LRRTM4: variants seen among roughly 807,000 people sequenced by gnomAD.
The protein encoded by LRRTM4 is leucine rich repeat transmembrane neuronal 4, also known as leucine-rich repeat transmembrane neuronal protein 4.
Under a neutral mutation model 47.6 loss-of-function variants are expected in LRRTM4, and 25 were observed. The observed-to-expected ratio is 0.53, with a 90% CI of 0.38 to 0.73. The LOEUF (loss-of-function observed/expected upper bound fraction) is 0.73, where lower values mean the gene tolerates loss of function less well. LRRTM4 is among the 30% of genes least tolerant of loss of function. LRRTM4 has a pLI of 0.00. For missense variants in LRRTM4, 638 were observed against 713.4 expected (o/e 0.89, Z 1.20); for synonymous variants, 311 against 269.5 (o/e 1.15, Z -1.51).
intron 3 of LRRTM4, among the ~76,000 whole-genome samples, chr2:77,318,249 A>G (rs1677676660): frequency 6.6e-6 from 1 of 152,098 alleles, no homozygotes; most frequent in Non-Finnish European, 1.5e-5. Context: ...CTCGTGATCC[A>G]CCAGCCTTGG....
chr2:77,107,462 T>C (rs528463157), intron 3 of LRRTM4, among the ~76,000 whole-genome samples: 2 of 152,212 alleles, frequency 1.3e-5, no homozygotes, highest in African/African-American at 4.8e-5. Flanking sequence ...AACCACAATA[T>C]GTTTCAAAAT....
intron 3 of LRRTM4, among the ~76,000 whole-genome samples, chr2:77,494,113 A>C (rs1009229822): frequency 6.6e-6 from 1 of 152,164 alleles, no homozygotes. Context: ...AAACATCACA[A>C]ACTGGGAGAA....
At chr2:77,011,558 T>C (rs1282521706) in intron 3 of LRRTM4, among the ~76,000 whole-genome samples, 8 of 151,436 alleles carry the variant, frequency 5.3e-5, no homozygotes, top group Non-Finnish European at 7.4e-5. Context: ...TGTGTGTGTG[T>C]GTGTGTGTGT....
At chr2:77,103,875 C>T (rs1223523785) in intron 3 of LRRTM4, among the ~76,000 whole-genome samples, 1 of 151,774 alleles carries the variant, frequency 6.6e-6, no homozygotes, top group Non-Finnish European at 1.5e-5. Context: ...AGAAGAAAGC[C>T]TATTCTCCTA....
intron 3 of LRRTM4, among the ~76,000 whole-genome samples, chr2:76,898,059 C>G (rs1179098981): frequency 6.6e-6 from 1 of 152,102 alleles, no homozygotes; most frequent in African/African-American, 2.4e-5. Flanking sequence ...TAGAGTTTCT[C>G]TTTAGAATTG....
At chr2:76,768,322 TAATATC>T (rs1329368404) in intron 3 of LRRTM4, among the ~76,000 whole-genome samples, 1 of 150,682 alleles carries the variant, frequency 6.6e-6, no homozygotes, top group African/African-American at 2.5e-5. Flanking sequence ...ACACAACACT[TAATATC>T]AAAAGCTTAG....
chr2:77,407,699 A>AT (rs1384130625), intron 3 of LRRTM4, among the ~76,000 whole-genome samples: 2 of 124,774 alleles, frequency 1.6e-5, no homozygotes, highest in East Asian at 2.2e-4. Context: ...AATATATGAT[A>AT]TATATAATAT....
intron 3 of LRRTM4, among the ~76,000 whole-genome samples, chr2:76,830,294 TCTA>T (rs1196090629): frequency 6.6e-6 from 1 of 152,098 alleles, no homozygotes; most frequent in African/African-American, 2.4e-5. Context: ...TTGTTTGTAC[TCTA>T]CTTTTATCCT....
At chr2:77,283,678 G>C (rs891373194) in intron 3 of LRRTM4, among the ~76,000 whole-genome samples, 1 of 152,018 alleles carries the variant, frequency 6.6e-6, no homozygotes, top group Non-Finnish European at 1.5e-5. Context: ...CAACAACATG[G>C]ATGCAGCTGG....
intron 3 of LRRTM4, among the ~76,000 whole-genome samples, chr2:76,981,170 C>G (rs867078738): frequency 1.3e-4 from 20 of 152,184 alleles, no homozygotes; most frequent in Middle Eastern, 6.8e-3. Flanking sequence ...ATTCGTTATT[C>G]AATATTCATT....
In LRRTM4 at chr2:77,087,120, CT is replaced by C. The variant is rs556813728; in HGVS notation, c.1552-338205del. Among the ~76,000 whole-genome samples the C allele has an allele frequency of 6.6e-5, 10 of 152,262 alleles. No individual in the cohort carries two copies. In the South Asian group the frequency reaches 2.1e-3, roughly 32 times the overall value. The stretch of plus-strand genomic sequence containing the variant: ...GCTGCTGATCTTATGAAGCAAGAAG[CT>C]TGTTTGTTATGCATCTTGAGTTTTA... On this transcript the variant is annotated intron_variant, in intron 3 of 3. Coordinates refer to ENST00000409884, the MANE Select transcript of LRRTM4 (RefSeq NM_001134745.3).
At chr2:77,118,521 A>G (rs186424719) in intron 3 of LRRTM4, among the ~76,000 whole-genome samples, 1 of 152,072 alleles carries the variant, frequency 6.6e-6, no homozygotes, top group East Asian at 1.9e-4. Flanking sequence ...TGGATGGAGC[A>G]TGCAACAGTG....
At chr2:77,371,685 C>T (rs570243747) in intron 3 of LRRTM4, among the ~76,000 whole-genome samples, 11 of 151,720 alleles carry the variant, frequency 7.3e-5, no homozygotes, top group Non-Finnish European at 1.0e-4. Context: ...CCTGACTACA[C>T]TAATTAACCT....
At chr2:77,350,685 TAGA>T (rs2104295358) in intron 3 of LRRTM4, among the ~76,000 whole-genome samples, 1 of 152,184 alleles carries the variant, frequency 6.6e-6, no homozygotes, top group South Asian at 2.1e-4. Flanking sequence ...ATCTACAAAA[TAGA>T]AGAACTCTTG....
intron 3 of LRRTM4, among the ~76,000 whole-genome samples, chr2:76,779,292 C>G (rs1165695218): frequency 6.6e-6 from 1 of 150,704 alleles, no homozygotes; most frequent in Non-Finnish European, 1.5e-5. Context: ...TGGTGCAGAG[C>G]TGAGTTCAAT....
At chr2:77,068,557 T>C (rs964457523) in intron 3 of LRRTM4, among the ~76,000 whole-genome samples, 2 of 152,324 alleles carry the variant, frequency 1.3e-5, no homozygotes, top group East Asian at 3.9e-4. Flanking sequence ...ATTTATACAA[T>C]ATGTGACATT....
At chr2:77,218,348 G>A (rs984016286) in intron 3 of LRRTM4, among the ~76,000 whole-genome samples, 3 of 151,890 alleles carry the variant, frequency 2.0e-5, no homozygotes, top group African/African-American at 7.3e-5. Flanking sequence ...AGTTATTTTG[G>A]TTATGTTATG....
intron 3 of LRRTM4, among the ~76,000 whole-genome samples, chr2:77,035,036 CTTTTA>C (rs1334434448): frequency 1.3e-5 from 2 of 151,530 alleles, no homozygotes; most frequent in East Asian, 1.9e-4. Flanking sequence ...AAAAAATAAT[CTTTTA>C]TTTTTATTAT....
At chr2:76,769,231 C>A (rs1360133739) in intron 3 of LRRTM4, among the ~76,000 whole-genome samples, 1 of 152,076 alleles carries the variant, frequency 6.6e-6, no homozygotes, top group Non-Finnish European at 1.5e-5. Context: ...TTAAGGAACT[C>A]CTATTTACTT....
Sources: gnomAD v4.1 joint callset for allele counts (sites outside exome capture counted in the v4.1 genomes callset) on GRCh38, gnomAD v4.1.1 for gene constraint, MANE v1.5 for transcripts, NCBI Gene and HGNC (gene_info 2026-07-23, HGNC 2026-07-21) for gene names.